Variants in SLC71A1 observed in about 807,000 individuals in gnomAD.
SLC71A1 encodes hippocampus abundant gene transcript 1.
the SLC71A1 span, chr1:100,059,872 T>G: frequency 1.3e-6 from 2 of 1,598,808 alleles, no homozygotes; most frequent in South Asian, 2.3e-5. Context: ...CATTTAATTT[T>G]TTTAGGGTTT....
chr1:100,059,560 TAC>T, the SLC71A1 span, among the ~76,000 whole-genome samples: 33 of 151,150 alleles, frequency 2.2e-4, no homozygotes, highest in African/African-American at 7.5e-4. Flanking sequence ...TATATATATA[TAC>T]ACACACACAT....
the SLC71A1 span, among the ~76,000 whole-genome samples, chr1:100,064,591 G>C: frequency 9.2e-5 from 14 of 152,184 alleles, no homozygotes; most frequent in East Asian, 1.7e-3. Context: ...CCATGGTTTT[G>C]CCTTTTCTAG....
At chr1:100,043,157 C>T in the SLC71A1 span, 1 of 981,960 alleles carries the variant, frequency 1.0e-6, no homozygotes, top group African/African-American at 1.7e-5. Context: ...AATTCTCCTA[C>T]AGTTGAAATG....
chr1:100,069,553 G>A, the SLC71A1 span: 1 of 978,476 alleles, frequency 1.0e-6, no homozygotes. Flanking sequence ...TAGCTGCAGT[G>A]GTTTTCTATC....
chr1:100,042,441 A>C, the SLC71A1 span, among the ~76,000 whole-genome samples: 1 of 152,224 alleles, frequency 6.6e-6, no homozygotes, highest in South Asian at 2.1e-4. Flanking sequence ...CAAGAGCAGG[A>C]CCCAAGCTCT....
the SLC71A1 span, among the ~76,000 whole-genome samples, chr1:100,059,144 G>GTTTTTTTTTTTTTGTTTTTTT: frequency 1.3e-5 from 1 of 75,416 alleles, no homozygotes; most frequent in African/African-American, 5.9e-5. Flanking sequence ...TCTTTTTCGT[G>GTTTTTTTTTTTTTGTTTTTTT]TTTTTTTTTT....
chr1:100,064,882 C>T, the SLC71A1 span, among the ~76,000 whole-genome samples: 1 of 151,654 alleles, frequency 6.6e-6, no homozygotes, highest in Non-Finnish European at 1.5e-5. Flanking sequence ...ATCCACCATG[C>T]CCAGCTAATT....
chr1:100,080,710 A>AATT, the SLC71A1 span: 2 of 1,510,062 alleles, frequency 1.3e-6, no homozygotes, highest in African/African-American at 2.8e-5. Flanking sequence ...GGCTAGATTA[A>AATT]AGGCTACTGG....
chr1:100,060,004 T>A, the SLC71A1 span: 1 of 1,608,516 alleles, frequency 6.2e-7, no homozygotes, highest in Non-Finnish European at 8.5e-7. Context: ...GATCAGCCCA[T>A]GGTATGTGCA....
chr1:100,075,094 A>G, the SLC71A1 span, among the ~76,000 whole-genome samples: 6 of 152,288 alleles, frequency 3.9e-5, no homozygotes, highest in South Asian at 2.1e-4. Context: ...ACCGCATTTT[A>G]TAAGTACTTT....
the SLC71A1 span, among the ~76,000 whole-genome samples, chr1:100,050,857 G>A: frequency 1.3e-5 from 2 of 151,946 alleles, no homozygotes; most frequent in Non-Finnish European, 2.9e-5. Flanking sequence ...GAGGCTGGGT[G>A]GGCAGATCGC....
the SLC71A1 span, among the ~76,000 whole-genome samples, chr1:100,055,270 G>T: frequency 6.6e-6 from 1 of 151,822 alleles, no homozygotes; most frequent in African/African-American, 2.4e-5. Context: ...TGAGATACTA[G>T]TTTAAGGAGT....
the SLC71A1 span, chr1:100,082,269 C>T: frequency 1.6e-6 from 2 of 1,272,878 alleles, no homozygotes; most frequent in Non-Finnish European, 2.3e-6. Context: ...ACCTCTAGTT[C>T]TGGATGTACA....
At chr1:100,047,571 C>T in the SLC71A1 span, among the ~76,000 whole-genome samples, 38 of 152,280 alleles carry the variant, frequency 2.5e-4, no homozygotes, top group South Asian at 5.2e-3. Flanking sequence ...TACAGGCATG[C>T]GCCACCACGC....
At chr1:100,046,692 C>T in the SLC71A1 span, among the ~76,000 whole-genome samples, 1 of 152,170 alleles carries the variant, frequency 6.6e-6, no homozygotes, top group Admixed American at 6.5e-5. Flanking sequence ...AAAATTTTAA[C>T]AGTATTGATT....
the SLC71A1 span, among the ~76,000 whole-genome samples, chr1:100,040,852 T>C: frequency 2.0e-5 from 3 of 152,210 alleles, no homozygotes; most frequent in African/African-American, 7.2e-5. Flanking sequence ...ATTTCAGTGC[T>C]ATTGCTGTTG....
At chr1:100,083,354 T>A in the SLC71A1 span, 5 of 152,470 alleles carry the variant, frequency 3.3e-5, no homozygotes, top group African/African-American at 9.7e-5. Flanking sequence ...AGTTAAATAT[T>A]TTAATGATTT....
the SLC71A1 span, among the ~76,000 whole-genome samples, chr1:100,063,449 A>G: frequency 6.6e-6 from 1 of 151,988 alleles, no homozygotes; most frequent in African/African-American, 2.4e-5. Context: ...GGCTGCAGCT[A>G]TGATCATGCC....
At chr1:100,052,720 G>A in the SLC71A1 span, among the ~76,000 whole-genome samples, 2 of 151,044 alleles carry the variant, frequency 1.3e-5, no homozygotes, top group Non-Finnish European at 3.0e-5. Flanking sequence ...GTGAGCCACT[G>A]TGCCTGGCCA....
Sources: gnomAD v4.1 joint callset for allele counts (sites outside exome capture counted in the v4.1 genomes callset) on GRCh38, gnomAD v4.1.1 for gene constraint, MANE v1.5 for transcripts, NCBI Gene and HGNC (gene_info 2026-07-23, HGNC 2026-07-21) for gene names.